The following FAM220A variants were observed in gnomAD, a reference collection of about 807,000 sequenced individuals.
FAM220A encodes family with sequence similarity 220 member A.
For missense variants in FAM220A, 392 were observed against 321.6 expected, an observed-to-expected ratio of 1.22 and a Z score of -1.68; for synonymous variants, 141 against 130.7, an observed-to-expected ratio of 1.08 and a Z score of -0.54.
At chr7:6,342,761 G>A (rs1183184739) in intron 1 of FAM220A, among the ~76,000 whole-genome samples, 4 of 152,128 alleles carry the variant, frequency 2.6e-5, no homozygotes, top group African/African-American at 9.7e-5. Context: ...GCAGGGCCAG[G>A]TATGATGGCT....
chr7:6,333,114 A>C (rs1261160631), intron 1 of FAM220A, among the ~76,000 whole-genome samples: 1 of 151,394 alleles, frequency 6.6e-6, no homozygotes, highest in Non-Finnish European at 1.5e-5. Flanking sequence ...CCGAGATCCC[A>C]CCACTGCACT....
chr7:6,347,912 T>C (rs1428440068), intron 1 of FAM220A, among the ~76,000 whole-genome samples: 1 of 146,966 alleles, frequency 6.8e-6, no homozygotes, highest in African/African-American at 2.5e-5. Flanking sequence ...TTATTATTAT[T>C]ATTATTATTA....
intron 1 of FAM220A, among the ~76,000 whole-genome samples, chr7:6,335,827 G>T (rs559493387): frequency 6.6e-6 from 1 of 152,008 alleles, no homozygotes; most frequent in Non-Finnish European, 1.5e-5. Flanking sequence ...TTGAGCCCAG[G>T]GGTGTGAGAC....
intron 1 of FAM220A, among the ~76,000 whole-genome samples, chr7:6,331,535 C>T (rs1300631110): frequency 6.6e-6 from 1 of 151,892 alleles, no homozygotes; most frequent in African/African-American, 2.4e-5. Flanking sequence ...TTGCATGCCA[C>T]CAAGCCCGCT....
At chr7:6,333,840 C>CTTT (rs904989717) in intron 1 of FAM220A, among the ~76,000 whole-genome samples, 28 of 96,810 alleles carry the variant, frequency 2.9e-4, no homozygotes, top group Non-Finnish European at 4.9e-4. Flanking sequence ...CTCCTGGCCT[C>CTTT]TTTTTTTTTT....
At chr7:6,333,946 A>G (rs1471861530) in intron 1 of FAM220A, among the ~76,000 whole-genome samples, 2 of 146,068 alleles carry the variant, frequency 1.4e-5, no homozygotes, top group Non-Finnish European at 3.0e-5. Flanking sequence ...TCCCGGGTTC[A>G]CGCCATTCTC....
rs1562443856 is a variant in FAM220A at position 6,330,803 on chromosome 7, A to C, written c.352T>G (p.Ser118Ala). 4 of 1,614,116 alleles carry C rather than the reference A, an allele frequency of 2.5e-6. No individual in the cohort carries two copies. Among genetic ancestry groups the C allele is most frequent in the Non-Finnish European group, 2.5e-6 (3 of 1,180,012 alleles). Reference protein sequence around the residue: ...PAPTECFARVSCSGVEALGRR... With the variant: ...PAPTECFARVACSGVEALGRR... ...CCCAGAGCTTCAACACCACTGCAGG[A>C]CACCCGAGCAAAACACTCTGTTGGA... The change falls in exon 2 of 2, where the codon TCC becomes GCC. Residue 118 changes from serine (S) to alanine (A), a missense_variant. Physicochemically the swap from Ser to Ala is moderately conservative, Grantham distance 99. Coordinates refer to ENST00000313324, the MANE Select transcript of FAM220A (RefSeq NM_001037163.2).
chr7:6,344,439 T>C (rs970036756), intron 1 of FAM220A, among the ~76,000 whole-genome samples: 5 of 152,162 alleles, frequency 3.3e-5, no homozygotes, highest in Admixed American at 2.0e-4. Flanking sequence ...TGTCTTTTTT[T>C]ACAGACGGGG....
In FAM220A at chr7:6,330,846, G is replaced by A. The variant is rs768824416; in HGVS notation, c.309C>T (p.Ala103=). 1.7e-5 allele frequency: 27 copies of A among 1,614,040 alleles called. No homozygotes were observed. The highest frequency in any genetic ancestry group is 5.3e-5 in the African/African-American group (4 of 74,916). The change falls in exon 2 of 2, where the codon GCC becomes GCT. Residue 103 remains alanine (A), a synonymous_variant. Coordinates refer to ENST00000313324, the MANE Select transcript of FAM220A (RefSeq NM_001037163.2). The stretch of plus-strand genomic sequence containing the variant: ...CTGTTGGAGCAGGGAACAAACCCAC[G>A]GCTGTGCTCGGAGTGGCTGCTGAGG... ...NPASAATPST[A]VGLFPAPTEC... is the part of the protein sequence containing the mutation.
intron 1 of FAM220A, among the ~76,000 whole-genome samples, chr7:6,337,562 A>G (rs1487053950): frequency 6.6e-6 from 1 of 151,674 alleles, no homozygotes; most frequent in Non-Finnish European, 1.5e-5. Context: ...GAATTGTGTT[A>G]AAGTACTTTA....
chr7:6,338,502 G>C (rs532942270), intron 1 of FAM220A: 16 of 152,282 alleles, frequency 1.1e-4, no homozygotes, highest in African/African-American at 3.9e-4. Context: ...GGGTTCCAGA[G>C]GGTAAATCTT....
intron 1 of FAM220A, 111 bp from the exon 2 acceptor site, chr7:6,331,346 C>T: frequency 1.6e-6 from 1 of 634,930 alleles, no homozygotes; most frequent in Non-Finnish European, 2.7e-6. Flanking sequence ...TGACAGTCTC[C>T]AGTACAGGGT....
In FAM220A at chr7:6,331,061, T is replaced by C. The variant is rs780072916; in HGVS notation, c.94A>G (p.Lys32Glu). 6 of 1,613,652 alleles carry C rather than the reference T, an allele frequency of 3.7e-6. No homozygotes were observed. The East Asian group carries it at 1.1e-4, about 30-fold the overall frequency. The stretch of plus-strand genomic sequence containing the variant: ...GGCCAAGGGCCCTCCGGCATTCTTT[T>C]CTTAAGGCTGCATGATAGTTTGTCC... ...DSDKLSCSLK[K>E]RMPEGPWPAD... Residue 32 changes from lysine (K) to glutamate (E), a missense_variant, in exon 2 of 2, where the codon AAA becomes GAA. By Grantham distance (56) the Lys-to-Glu change is moderately conservative. Transcript: ENST00000313324.
chr7:6,343,086 G>GA (rs909174714), intron 1 of FAM220A, among the ~76,000 whole-genome samples: 8 of 149,954 alleles, frequency 5.3e-5, no homozygotes, highest in African/African-American at 2.0e-4. Context: ...GAAAAGAAAA[G>GA]AAAAAATTGG....
intron 1 of FAM220A, among the ~76,000 whole-genome samples, chr7:6,340,390 C>T (rs936044074): frequency 6.6e-6 from 1 of 152,148 alleles, no homozygotes; most frequent in African/African-American, 2.4e-5. Flanking sequence ...GGAGAAGCGA[C>T]CACTGCATGT....
chr7:6,341,620 G>A (rs1423389677), intron 1 of FAM220A, among the ~76,000 whole-genome samples: 1 of 151,034 alleles, frequency 6.6e-6, no homozygotes, highest in South Asian at 2.1e-4. Flanking sequence ...AACCCAGGAG[G>A]TGGAGCTTGC....
At chr7:6,346,262 T>C in intron 1 of FAM220A, among the ~76,000 whole-genome samples, 1 of 152,152 alleles carries the variant, frequency 6.6e-6, no homozygotes, top group East Asian at 1.9e-4. Context: ...AGCCACCTGG[T>C]GGAGGTTTTG....
chr7:6,333,132 G>A (rs1312643880), intron 1 of FAM220A, among the ~76,000 whole-genome samples: 3 of 150,866 alleles, frequency 2.0e-5, no homozygotes, highest in Non-Finnish European at 4.4e-5. Flanking sequence ...ACTCCAGCCT[G>A]GCGACAGAGC....
In FAM220A at chr7:6,331,228, A is replaced by G. The variant is rs1372594257; in HGVS notation, c.-74T>C. The G allele has an allele frequency of 7.0e-7, 1 of 1,424,536 alleles. No homozygotes were observed. Among genetic ancestry groups the G allele is most frequent in the East Asian group, 2.3e-5 (1 of 43,348 alleles). 88.2% of individuals were successfully genotyped at this position (1,424,536 alleles called of 1,614,324 possible). On this transcript the variant is annotated 5_prime_UTR_variant, in exon 2 of 2. Coordinates refer to ENST00000313324, the MANE Select transcript of FAM220A (RefSeq NM_001037163.2). ...CTGGGAGGGCCTTCAATGGATCTCAATATGAACCTAGGAAAGGGAATCAAA... is the reference window on the plus strand; with the variant it reads ...CTGGGAGGGCCTTCAATGGATCTCAGTATGAACCTAGGAAAGGGAATCAAA...
Sources: gnomAD v4.1 joint callset for allele counts (sites outside exome capture counted in the v4.1 genomes callset) on GRCh38, gnomAD v4.1.1 for gene constraint, MANE v1.5 for transcripts, NCBI Gene and HGNC (gene_info 2026-07-23, HGNC 2026-07-21) for gene names.